BLOC1S3: variants seen among roughly 807,000 people sequenced by gnomAD.
The protein encoded by BLOC1S3 is biogenesis of lysosomal organelles complex 1 subunit 3.
Under a neutral mutation model 9.1 loss-of-function variants are expected in BLOC1S3, and 7 were observed. The observed-to-expected ratio is 0.77, with a 90% CI of 0.44 to 1.45. BLOC1S3 has a LOEUF of 1.45. Ranked by LOEUF, BLOC1S3 falls within the 40% of genes most tolerant of loss-of-function variation. The pLI is 0.01. For synonymous variants in BLOC1S3, 145 were observed against 158.4 expected, an observed-to-expected ratio of 0.92 and a Z score of 0.64; for missense variants, 307 against 315.2, an observed-to-expected ratio of 0.97 and a Z score of 0.20.
chr19:45,199,671 C>CTCTTT (rs780133491), intron 2 of BLOC1S3, among the ~76,000 whole-genome samples: 39 of 151,564 alleles, frequency 2.6e-4, no homozygotes, highest in Non-Finnish European at 4.1e-4. Context: ...CCTGTCTCAT[C>CTCTTT]TCTTTTCTCT....
At chr19:45,217,027 T>G (rs1192691372), downstream of BLOC1S3, 1 of 152,202 alleles carries the variant, frequency 6.6e-6, no homozygotes, top group Non-Finnish European at 1.5e-5. Flanking sequence ...GAGTCTTTTT[T>G]TTCTTTTTTT....
At chr19:45,213,185 G>T in intron 3 of BLOC1S3, 1 of 1,606,350 alleles carries the variant, frequency 6.2e-7, no homozygotes, top group South Asian at 1.1e-5. Flanking sequence ...GGGAGGCTGA[G>T]ACAGAAAGAT....
At chr19:45,185,615 T>C (rs1320109382), downstream of BLOC1S3, among the ~76,000 whole-genome samples, 1 of 151,612 alleles carries the variant, frequency 6.6e-6, no homozygotes, top group African/African-American at 2.4e-5. Flanking sequence ...ATCCTGGGGG[T>C]GCTTGTTTGG....
chr19:45,195,815 G>A (rs953871033), intron 2 of BLOC1S3, among the ~76,000 whole-genome samples: 1 of 152,068 alleles, frequency 6.6e-6, no homozygotes, highest in Non-Finnish European at 1.5e-5. Context: ...GGCTGGTCTC[G>A]ACCTCCCAAC....
At chr19:45,211,072 T>C (rs1032569538) in intron 3 of BLOC1S3, among the ~76,000 whole-genome samples, 1 of 152,134 alleles carries the variant, frequency 6.6e-6, no homozygotes, top group African/African-American at 2.4e-5. Flanking sequence ...GATCGTGTCA[T>C]TGCACTCCAG....
chr19:45,193,790 T>G (rs533485024), intron 2 of BLOC1S3, among the ~76,000 whole-genome samples: 58 of 130,784 alleles, frequency 4.4e-4, no homozygotes, highest in African/African-American at 1.4e-3. Flanking sequence ...ATTTTTTCTG[T>G]TTTTTTTTTG....
At chr19:45,198,288 T>G (rs1351676865) in intron 2 of BLOC1S3, among the ~76,000 whole-genome samples, 2 of 152,142 alleles carry the variant, frequency 1.3e-5, no homozygotes, top group African/African-American at 2.4e-5. Flanking sequence ...GGGGTTTTTT[T>G]GTTTGTTTGT....
chr19:45,193,007 C>T (rs1030198277), intron 2 of BLOC1S3, among the ~76,000 whole-genome samples: 5 of 149,648 alleles, frequency 3.3e-5, no homozygotes, highest in East Asian at 1.9e-4. Context: ...GTGGCACACG[C>T]GTGTAATCCC....
In BLOC1S3 at chr19:45,213,016, T is replaced by C. The variant is rs1432058518; in HGVS notation, n.283-3660T>C. On this transcript the variant is annotated intron_variant and non_coding_transcript_variant, in intron 3 of 3. Transcript: ENST00000591569. ...GTCAGGAGGGGCGCCGTACGGGAGG[T>C]TGGCTTGTCAGCAGCATAGATGGGG... is the stretch of plus-strand genomic sequence containing the variant. 8 of 1,420,076 alleles carry C rather than the reference T, an allele frequency of 5.6e-6. No homozygotes were observed. The Admixed American group carries it at 9.5e-5, about 17-fold the overall frequency. The allele number at this position is 1,420,076 out of a possible 1,614,324, so 88.0% of individuals were successfully genotyped here. A position where few individuals can be genotyped will look rare whatever the true frequency, so the allele number is the denominator to read the frequency against.
In BLOC1S3 at chr19:45,200,940, G is replaced by A. The variant is rs571086649; in HGVS notation, n.181-1466G>A. 5.5e-4 allele frequency among the ~76,000 whole-genome samples: 84 copies of A among 152,092 alleles called. 1 individual carries two copies. The highest frequency in any genetic ancestry group is 1.0e-3 in the Non-Finnish European group (69 of 68,016). On this transcript the variant is annotated intron_variant and non_coding_transcript_variant, in intron 2 of 3. Coordinates refer to the BLOC1S3 transcript ENST00000591569. ...GTGCTGGCCAGGCGCAGTGGCTCAC[G>A]CCTGTAATCCCAGCACATTGGGCAG...
chr19:45,180,000 A>C lies in BLOC1S3; in HGVS notation c.*95A>C, dbSNP rs1351464042. ...TCTCCTGTGTCTCTTATCACCCCCC[A>C]CCCCCGCTCCCATCTTGGTGTCACC... On this transcript the variant is annotated 3_prime_UTR_variant, in exon 2 of 2. Transcript: ENST00000433642. The surrounding 1 kb of genome is among the most constrained non-coding windows in gnomAD (Gnocchi z 4.6). 3 of 1,412,070 alleles carry C rather than the reference A, an allele frequency of 2.1e-6. No homozygotes were observed. Among genetic ancestry groups the C allele is most frequent in the African/African-American group, 1.5e-5 (1 of 66,874 alleles). 87.5% of individuals were successfully genotyped at this position (1,412,070 alleles called of 1,614,324 possible). A position where few individuals can be genotyped will look rare whatever the true frequency, so the allele number is the denominator to read the frequency against.
downstream of BLOC1S3, among the ~76,000 whole-genome samples, chr19:45,185,840 G>A (rs1044317500): frequency 5.3e-5 from 8 of 151,968 alleles, no homozygotes; most frequent in South Asian, 2.1e-4. Flanking sequence ...GGTCAGGTGC[G>A]GTGGCTCATG....
chr19:45,197,134 G>A (rs928811820), intron 2 of BLOC1S3, among the ~76,000 whole-genome samples: 1 of 151,934 alleles, frequency 6.6e-6, no homozygotes, highest in Non-Finnish European at 1.5e-5. Flanking sequence ...GCTGCAGTGA[G>A]CTATGATCGT....
Position 45,202,802 on chromosome 19 carries a change from G to A in BLOC1S3, n.282+295G>A, listed in dbSNP as rs142033466. Among the ~76,000 whole-genome samples the A allele has an allele frequency of 4.0e-3, 614 of 152,142 alleles. 2 individuals carry two copies. Among genetic ancestry groups the A allele is most frequent in the African/African-American group, 0.014 (571 of 41,516 alleles). Reference sequence around the variant, plus strand: ...CTGGGTCTCACCCAAGGCCTGCGGCGAGCACTCTCTGGCAACCACTGATGT... The same window carrying A: ...CTGGGTCTCACCCAAGGCCTGCGGCAAGCACTCTCTGGCAACCACTGATGT... On this transcript the variant is annotated intron_variant and non_coding_transcript_variant, in intron 3 of 3. Coordinates refer to the BLOC1S3 transcript ENST00000591569.
At chr19:45,189,155 T>C (rs1201467623) in intron 2 of BLOC1S3, among the ~76,000 whole-genome samples, 1 of 151,766 alleles carries the variant, frequency 6.6e-6, no homozygotes, top group Non-Finnish European at 1.5e-5. Context: ...ATCCATCCCC[T>C]CCTCTGCCAC....
chr19:45,206,910 T>C (rs1969731806), intron 3 of BLOC1S3, among the ~76,000 whole-genome samples: 1 of 152,158 alleles, frequency 6.6e-6, no homozygotes, highest in Non-Finnish European at 1.5e-5. Flanking sequence ...CGACCTAGGC[T>C]CACTACAACC....
In BLOC1S3 at chr19:45,213,112, C is replaced by T. The variant is rs779999765; in HGVS notation, n.283-3564C>T. ...TCGCGCTAGAGACGGAGGCCGGGGC[C>T]GAGGCAGACAGGCCAAACTGGGCCT... is the stretch of plus-strand genomic sequence containing the variant. On this transcript the variant is annotated intron_variant and non_coding_transcript_variant, in intron 3 of 3. Coordinates refer to the BLOC1S3 transcript ENST00000591569. The T allele has an allele frequency of 2.1e-5, 32 of 1,546,324 alleles. No individual in the cohort carries two copies. Among genetic ancestry groups the T allele is most frequent in the Middle Eastern group, 1.9e-4 (1 of 5,154 alleles).
At position 45,179,940 on chromosome 19, in the gene BLOC1S3, G is replaced by C. The variant is rs770932040; in HGVS notation, c.*35G>C. 9 of 1,595,660 alleles carry C rather than the reference G, an allele frequency of 5.6e-6. No homozygotes were observed. Among genetic ancestry groups the C allele is most frequent in the Non-Finnish European group, 4.3e-6 (5 of 1,171,506 alleles). Reference sequence around the variant, plus strand: ...TACTTCCCAACCTGACTGCAATTTGGGGGTAGGCCTTGCTGCCTCTGGGAC... The same window carrying C: ...TACTTCCCAACCTGACTGCAATTTGCGGGTAGGCCTTGCTGCCTCTGGGAC... On this transcript the variant is annotated 3_prime_UTR_variant, in exon 2 of 2. Transcript: ENST00000433642. The surrounding 1 kb of genome is among the most constrained non-coding windows in gnomAD (Gnocchi z 4.6).
intron 3 of BLOC1S3, among the ~76,000 whole-genome samples, chr19:45,206,299 G>A (rs1176348179): frequency 1.6e-4 from 23 of 146,472 alleles, no homozygotes; most frequent in Non-Finnish European, 3.4e-4. Context: ...GGAGGTTGCA[G>A]TGAGTTGAAA....
Sources: gnomAD v4.1 joint callset for allele counts (sites outside exome capture counted in the v4.1 genomes callset) on GRCh38, gnomAD v4.1.1 for gene constraint, Gnocchi (gnomAD v3.1) non-coding constraint, MANE v1.5 for transcripts, NCBI Gene and HGNC (gene_info 2026-07-23, HGNC 2026-07-21) for gene names.